Variants in ZNF41 observed in about 807,000 individuals in gnomAD.
The protein encoded by ZNF41 is zinc finger protein 41.
In ZNF41, 6 loss-of-function variants were observed where a neutral mutation model predicts 9.3. The observed-to-expected ratio is 0.65, with a 90% CI of 0.35 to 1.28. The LOEUF (loss-of-function observed/expected upper bound fraction) is 1.28. Ranked by LOEUF, ZNF41 falls within the 50% of genes most tolerant of loss-of-function variation. The probability of loss-of-function intolerance (pLI) is 0.03; values close to 1 mark genes in which losing one functional copy is unlikely to be tolerated. For synonymous variants in ZNF41, 192 were observed against 207.1 expected (o/e 0.93, Z 0.63); for missense variants, 523 against 585.8 (o/e 0.89, Z 1.11).
chrX:47,464,369 C>A (rs970241446), intron 2 of ZNF41, among the ~76,000 whole-genome samples: 14 of 111,252 alleles, frequency 1.3e-4, no homozygotes, highest in African/African-American at 4.6e-4. Context: ...CTCCTCCCAG[C>A]CCTCTTTACC....
chrX:47,468,132 A>G (rs906578600), intron 1 of ZNF41, among the ~76,000 whole-genome samples: 1 of 111,541 alleles, frequency 9.0e-6, no homozygotes, highest in Non-Finnish European at 1.9e-5. Context: ...AATCCCATTT[A>G]CCATCAGATA....
chrX:47,448,372 C>T lies in ZNF41; in HGVS notation c.1398G>A (p.Pro466=), dbSNP rs61739400. The change falls in exon 5 of 5, where the codon CCG becomes CCA. Residue 466 remains proline (P), a synonymous_variant. Transcript: ENST00000684689. ...THQRIHTGEK[P]YECSDCGKSF... ...ATTTCCCACAGTCACTGCATTCATA[C>T]GGCTTTTCTCCAGTATGAATTCTCT... The T allele has an allele frequency of 9.5e-4, 1,143 of 1,209,149 alleles. 5 individuals carry two copies. The African/African-American group carries it at 0.011, about 12-fold the overall frequency.
chrX:47,463,443 T>C (rs2056885660), intron 2 of ZNF41, among the ~76,000 whole-genome samples: 1 of 111,212 alleles, frequency 9.0e-6, no homozygotes, highest in Admixed American at 9.7e-5. Flanking sequence ...CTGGGAACTC[T>C]GGCTGTTTCC....
In ZNF41 at chrX:47,449,581, T is replaced by C. The variant is rs764869495; in HGVS notation, c.296-107A>G. 62 of 851,785 alleles carry C rather than the reference T, an allele frequency of 7.3e-5. No homozygotes were observed. The East Asian group carries it at 1.2e-3, about 16-fold the overall frequency. The allele number at this position is 851,785 out of a possible 1,213,427, so 70.2% of individuals were successfully genotyped here. ...GAACACAGATAAATGGAAGAGCCCA[T>C]AGGACAATATAGTAGTAATAATGTA... is the stretch of plus-strand genomic sequence containing the variant. On this transcript the variant is annotated intron_variant, in intron 4 of 4. Transcript: ENST00000684689.
chrX:47,474,703 C>T (rs7052425), intron 1 of ZNF41, among the ~76,000 whole-genome samples: 5,448 of 105,863 alleles, frequency 0.051, 367 homozygotes, highest in African/African-American at 0.18. Context: ...ATGGTGAGAC[C>T]CCCATCTCTA....
chrX:47,456,040 A>C (rs2056549923), intron 3 of ZNF41, 24 bp from the exon 4 acceptor site: 2 of 1,187,510 alleles, frequency 1.7e-6, no homozygotes, highest in Non-Finnish European at 2.3e-6. Context: ...ATGATACACG[A>C]TTGGGTCCAG....
In ZNF41 at chrX:47,449,028, A is replaced by G. The variant is rs1401808289; in HGVS notation, c.742T>C (p.Tyr248His). 8.3e-7 allele frequency: 1 copy of G among 1,209,674 alleles called. No individual in the cohort carries two copies. Among genetic ancestry groups the G allele is most frequent in the Non-Finnish European group, 1.1e-6 (1 of 895,254 alleles). ...TGANSCEHDH[Y>H]EKHLSHKQAP... ...TGTTTGTGGCTGAGATGTTTTTCAT[A>G]GTGGTCATGTTCACAGGAATTTGCT... The change falls in exon 5 of 5, where the codon TAT becomes CAT. Residue 248 changes from tyrosine (Y) to histidine (H), a missense_variant. Physicochemically the swap from Tyr to His is moderately conservative, Grantham distance 83. Coordinates refer to ENST00000684689, the MANE Select transcript of ZNF41 (RefSeq NM_001324144.2).
In ZNF41 at chrX:47,453,100, T is replaced by C. The variant is rs759565428; in HGVS notation, c.295+2821A>G. Among the ~76,000 whole-genome samples the C allele has an allele frequency of 1.7e-3, 188 of 112,050 alleles. No individual in the cohort carries two copies. In the Middle Eastern group the frequency reaches 0.018, roughly 11 times the overall value. ...AAATAGGCTCTTTTTTCTTAAATTA[T>C]TTTTTTGAAATAGAGATGGAATCTT... On this transcript the variant is annotated intron_variant, in intron 4 of 4. Coordinates refer to ENST00000684689, the MANE Select transcript of ZNF41 (RefSeq NM_001324144.2).
intron 1 of ZNF41, among the ~76,000 whole-genome samples, chrX:47,478,628 T>A (rs1261333039): frequency 1.8e-5 from 2 of 111,311 alleles, no homozygotes; most frequent in Admixed American, 1.9e-4. Context: ...CGGATGAGCT[T>A]TGAAAACATT....
intron 1 of ZNF41, among the ~76,000 whole-genome samples, chrX:47,472,445 T>C (rs1482721475): frequency 1.1e-5 from 1 of 89,617 alleles, no homozygotes; most frequent in African/African-American, 4.1e-5. Flanking sequence ...TTTTTTTTTT[T>C]TTTTTTTTTT....
chrX:47,455,836 CAG>C (rs919012112), intron 4 of ZNF41, 83 bp downstream of exon 4: 171 of 898,620 alleles, frequency 1.9e-4, no homozygotes, highest in Non-Finnish European at 1.9e-4. Flanking sequence ...GGGTTATCTT[CAG>C]AGTGTTTCAA....
intron 1 of ZNF41, among the ~76,000 whole-genome samples, chrX:47,468,800 G>T (rs2057074898): frequency 9.0e-6 from 1 of 111,142 alleles, no homozygotes; most frequent in African/African-American, 3.3e-5. Flanking sequence ...AACTCTCATG[G>T]ACTGAATCGA....
At chrX:47,467,217 G>C in intron 2 of ZNF41, 193 bp downstream of exon 2, 1 of 910,489 alleles carries the variant, frequency 1.1e-6, no homozygotes, top group Non-Finnish European at 1.5e-6. Context: ...AAACACACGG[G>C]GCTTTGGATG....
At chrX:47,456,420 C>G in intron 2 of ZNF41, 22 bp from the exon 3 acceptor site, 1 of 1,210,953 alleles carries the variant, frequency 8.3e-7, no homozygotes, top group East Asian at 3.0e-5. Context: ...CAATGCTGTT[C>G]AAGGCAGCAT....
At chrX:47,450,727 G>A (rs886280457) in intron 4 of ZNF41, among the ~76,000 whole-genome samples, 8 of 111,657 alleles carry the variant, frequency 7.2e-5, no homozygotes, top group African/African-American at 2.0e-4. Context: ...GCTACTTGCA[G>A]GCCAGCCTTA....
At chrX:47,472,964 G>A (rs746257008) in intron 1 of ZNF41, among the ~76,000 whole-genome samples, 8 of 109,821 alleles carry the variant, frequency 7.3e-5, no homozygotes, top group East Asian at 5.8e-4. Flanking sequence ...CTCGTGATCC[G>A]TCTGCCTCGG....
chrX:47,462,331 C>T (rs1023958522), intron 2 of ZNF41, among the ~76,000 whole-genome samples: 3 of 111,343 alleles, frequency 2.7e-5, no homozygotes, highest in African/African-American at 9.8e-5. Context: ...GCTGCCTGCC[C>T]AGATCTGTCC....
At chrX:47,463,920 G>A (rs1402247667) in intron 2 of ZNF41, among the ~76,000 whole-genome samples, 1 of 111,358 alleles carries the variant, frequency 9.0e-6, no homozygotes, top group African/African-American at 3.3e-5. Context: ...CTTGTTCCCT[G>A]GTATCACTGT....
Position 47,448,881 on chromosome X carries a change from T to C in ZNF41, c.889A>G (p.Lys297Glu). 1 of 1,211,759 alleles carries C rather than the reference T, an allele frequency of 8.3e-7. No homozygotes were observed. Among genetic ancestry groups the C allele is most frequent in the Non-Finnish European group, 1.1e-6 (1 of 895,543 alleles). The change falls in exon 5 of 5, where the codon AAG becomes GAG. Residue 297 changes from lysine (K) to glutamate (E), a missense_variant. Physicochemically the swap from Lys to Glu is moderately conservative, Grantham distance 56 (BLOSUM62 1). Coordinates refer to ENST00000684689, the MANE Select transcript of ZNF41 (RefSeq NM_001324144.2). ...TTGCTTTTGTCACATTCACGGGACT[T>C]TTCTCCAGCATGAATTCTCTGATGC... ...FEHQRIHAGE[K>E]SRECDKSNKV...
Sources: allele counts gnomAD v4.1 joint callset (sites outside exome capture counted in the v4.1 genomes callset), GRCh38; gene constraint gnomAD v4.1.1; transcripts MANE v1.5; gene names NCBI Gene and HGNC (gene_info 2026-07-23, HGNC 2026-07-21).